The following TMEM229B variants were observed in gnomAD, a reference collection of about 807,000 sequenced individuals.
TMEM229B encodes chromosome 14 open reading frame 83.
A neutral mutation model predicts 13.7 loss-of-function variants in TMEM229B; 6 were observed. That is an observed-to-expected ratio of 0.44 (90% CI 0.24 to 0.86). The LOEUF is 0.86. Among genes scored for constraint, TMEM229B ranks in the 40% least tolerant of loss-of-function variants. The probability of loss-of-function intolerance (pLI) is 0.23; values close to 1 mark genes in which losing one functional copy is unlikely to be tolerated. For synonymous variants in TMEM229B, 107 were observed against 102.1 expected, an observed-to-expected ratio of 1.05 and a Z score of -0.29; for missense variants, 170 against 236.0, an observed-to-expected ratio of 0.72 and a Z score of 1.83.
intron 1 of TMEM229B, among the ~76,000 whole-genome samples, chr14:67,512,678 C>T (rs982276627): frequency 6.6e-6 from 1 of 152,146 alleles, no homozygotes; most frequent in South Asian, 2.1e-4. Flanking sequence ...CTGCCCTTAC[C>T]CAGGTCTTTC....
At chr14:67,520,931 A>G (rs2033282453) in intron 1 of TMEM229B, among the ~76,000 whole-genome samples, 1 of 152,258 alleles carries the variant, frequency 6.6e-6, no homozygotes. Context: ...GCATTCCCAC[A>G]AGCAATGAAT....
rs371624935 is a variant in TMEM229B at position 67,511,710 on chromosome 14, G to A, written c.-192+3376C>T. ...AGAACCATCCTTTGAAGGAGCAGGG[G>A]GCCAGCATCACTCTGTGACCTCCGC... is the stretch of plus-strand genomic sequence containing the variant. On this transcript the variant is annotated intron_variant, in intron 1 of 2. Coordinates refer to the TMEM229B transcript ENST00000357461. Among the ~76,000 whole-genome samples, 8 of 152,282 alleles carry A rather than the reference G, an allele frequency of 5.3e-5. No homozygotes were observed. In the East Asian group the frequency reaches 9.6e-4, roughly 18 times the overall value.
intron 1 of TMEM229B, among the ~76,000 whole-genome samples, chr14:67,507,377 A>C (rs2032864711): frequency 6.6e-6 from 1 of 152,106 alleles, no homozygotes; most frequent in Non-Finnish European, 1.5e-5. Flanking sequence ...AAACAAAAAA[A>C]CATCAACCAG....
At chr14:67,487,454 G>A (rs1406715945) in intron 1 of TMEM229B, among the ~76,000 whole-genome samples, 1 of 152,140 alleles carries the variant, frequency 6.6e-6, no homozygotes, top group Non-Finnish European at 1.5e-5. Flanking sequence ...ATCTGAGAGG[G>A]GATATAATTT....
chr14:67,506,078 G>A (rs1007934007), intron 1 of TMEM229B, among the ~76,000 whole-genome samples: 2 of 152,170 alleles, frequency 1.3e-5, no homozygotes, highest in Admixed American at 6.5e-5. Context: ...CTGAGAATCC[G>A]ATAAAAATAT....
chr14:67,515,332 T>G (rs1162497261), exon 1 of TMEM229B: 2 of 158,954 alleles, frequency 1.3e-5, no homozygotes, highest in African/African-American at 4.8e-5. Flanking sequence ...AGTCCCGCAT[T>G]GTGTGTCGGC....
intron 1 of TMEM229B, among the ~76,000 whole-genome samples, chr14:67,500,640 C>T (rs549340566): frequency 6.8e-6 from 1 of 147,990 alleles, no homozygotes; most frequent in South Asian, 2.2e-4. Context: ...GGCGCGATCT[C>T]GGCTCACTGC....
At chr14:67,533,150 G>C (rs922392414) in intron 1 of TMEM229B, among the ~76,000 whole-genome samples, 1 of 152,140 alleles carries the variant, frequency 6.6e-6, no homozygotes, top group African/African-American at 2.4e-5. Context: ...GCCGAGGGGA[G>C]GAGGGCGCCC....
At chr14:67,474,914 C>CTT (rs71129825) in intron 2 of TMEM229B, among the ~76,000 whole-genome samples, 6,099 of 124,896 alleles carry the variant, frequency 0.049, 273 homozygotes, top group African/African-American at 0.074. Flanking sequence ...GAATTTCCTT[C>CTT]TTTTTTTTTT....
In TMEM229B at chr14:67,473,484, T is replaced by A; in HGVS notation, c.440A>T (p.Asp147Val). The A allele has an allele frequency of 6.2e-7, 1 of 1,614,166 alleles. No individual in the cohort carries two copies. The highest frequency in any genetic ancestry group is 1.3e-5 in the African/African-American group (1 of 75,050). The change falls in exon 3 of 3, where the codon GAC (aspartate) becomes GTC (valine). Residue 147 changes from aspartate (D) to valine (V), a missense_variant. Physicochemically the swap from Asp to Val is radical, Grantham distance 152 (BLOSUM62 -3). Around this residue, in one of 4 missense-constraint regions of TMEM229B, gnomAD observed 70 missense variants for 60.9 expected, o/e 1.15. Coordinates refer to ENST00000554480, the MANE Select transcript of TMEM229B (RefSeq NM_001348543.2). This position sits in a 1 kb window ranked among gnomAD's most constrained non-coding sequence, Gnocchi z 6.5. ...RNTLRLRFDK[D>V]AEPGEPSGAL... is the part of the protein sequence containing the mutation. ...GCCGCTGGGCTCCCCGGGCTCAGCGTCCTTGTCGAAGCGGAGGCGGAGGGT... is the reference window on the plus strand; with the variant it reads ...GCCGCTGGGCTCCCCGGGCTCAGCGACCTTGTCGAAGCGGAGGCGGAGGGT...
intron 1 of TMEM229B, among the ~76,000 whole-genome samples, chr14:67,506,476 CT>C (rs1249347301): frequency 2.0e-5 from 3 of 152,108 alleles, no homozygotes; most frequent in African/African-American, 7.2e-5. Context: ...AATGTTTGTC[CT>C]TGTACCAAAT....
At chr14:67,528,089 G>A (rs959704877) in intron 1 of TMEM229B, among the ~76,000 whole-genome samples, 1 of 152,178 alleles carries the variant, frequency 6.6e-6, no homozygotes, top group African/African-American at 2.4e-5. Flanking sequence ...ATGGGCTGGT[G>A]GGGACTCAGA....
chr14:67,473,475 G>GGCTCAGC lies in TMEM229B; in HGVS notation c.442_448dup (p.Pro150ArgfsTer2). On this transcript the variant is annotated stop_gained and frameshift_variant, in exon 3 of 3. Transcript: ENST00000554480. LOFTEE classifies it high-confidence loss of function. The surrounding 1 kb of genome is among the most constrained non-coding windows in gnomAD (Gnocchi z 6.5). ...GGCTAGGGCGCCGCTGGGCTCCCCG[G>GGCTCAGC]GCTCAGCGTCCTTGTCGAAGCGGAG... The GGCTCAGC allele has an allele frequency of 6.2e-7, 1 of 1,614,214 alleles. No homozygotes were observed.
intron 1 of TMEM229B, among the ~76,000 whole-genome samples, chr14:67,507,323 T>G (rs2140224314): frequency 6.6e-6 from 1 of 152,212 alleles, no homozygotes; most frequent in East Asian, 1.9e-4. Flanking sequence ...CACTCCAGCC[T>G]GGGTGACAGA....
chr14:67,491,536 C>T (rs2032169157), upstream of TMEM229B, among the ~76,000 whole-genome samples: 1 of 152,196 alleles, frequency 6.6e-6, no homozygotes, highest in East Asian at 1.9e-4. Flanking sequence ...ACATTCCTTT[C>T]ACTCAGGAAA....
upstream of TMEM229B, among the ~76,000 whole-genome samples, chr14:67,492,196 C>A (rs146117652): frequency 2.3e-3 from 351 of 152,300 alleles, 2 homozygotes; most frequent in African/African-American, 7.8e-3. Flanking sequence ...TCTGGTCCCA[C>A]GTCTATTTCC....
intron 2 of TMEM229B, among the ~76,000 whole-genome samples, chr14:67,482,949 A>G (rs1056878063): frequency 5.9e-5 from 9 of 152,192 alleles, no homozygotes; most frequent in Non-Finnish European, 1.2e-4. Context: ...TAACTCAAAA[A>G]ATTCTCAAGC....
chr14:67,512,777 C>T (rs1037366420), intron 1 of TMEM229B, among the ~76,000 whole-genome samples: 13 of 152,112 alleles, frequency 8.5e-5, no homozygotes, highest in African/African-American at 3.1e-4. Context: ...GGAAACTGTA[C>T]ACCAGGAAAA....
intron 1 of TMEM229B, among the ~76,000 whole-genome samples, chr14:67,524,100 T>C (rs1301446279): frequency 6.6e-6 from 1 of 152,192 alleles, no homozygotes; most frequent in Non-Finnish European, 1.5e-5. Flanking sequence ...AGTTGTTTAA[T>C]GGGAGATTAA....
Sources: allele counts gnomAD v4.1 joint callset (sites outside exome capture counted in the v4.1 genomes callset), GRCh38; gene constraint gnomAD v4.1.1; regional missense constraint gnomAD v4.1.1; non-coding constraint Gnocchi (gnomAD v3.1); transcripts MANE v1.5; gene names NCBI Gene and HGNC (gene_info 2026-07-23, HGNC 2026-07-21).